The following MSRB3 variants were observed in gnomAD, a reference collection of about 807,000 sequenced individuals.
MSRB3 encodes the protein methionine sulfoxide reductase B3, also known as methionine-R-sulfoxide reductase B3.
Under a neutral mutation model 21.0 loss-of-function variants are expected in MSRB3, and 13 were observed. That is an observed-to-expected ratio of 0.62 (90% CI 0.40 to 0.98). The LOEUF (loss-of-function observed/expected upper bound fraction) is 0.98. MSRB3 is among the 50% of genes least tolerant of loss of function. The probability of loss-of-function intolerance (pLI) is 0.00; values close to 1 mark genes in which losing one functional copy is unlikely to be tolerated. For missense variants in MSRB3, 199 were observed against 230.3 expected (o/e 0.86, Z 0.88); for synonymous variants, 87 against 88.6 (o/e 0.98, Z 0.10).
At chr12:65,291,329 G>C (rs1024468695) in intron 1 of MSRB3, among the ~76,000 whole-genome samples, 1 of 151,824 alleles carries the variant, frequency 6.6e-6, no homozygotes, top group African/African-American at 2.4e-5. Context: ...CAGGTGATCT[G>C]CCCACCTCGG....
At chr12:65,311,404 A>G (rs1873977910) in intron 2 of MSRB3, among the ~76,000 whole-genome samples, 1 of 152,142 alleles carries the variant, frequency 6.6e-6, no homozygotes, top group African/African-American at 2.4e-5. Flanking sequence ...TATGAAAGTC[A>G]GTCTTTGGGT....
intron 2 of MSRB3, among the ~76,000 whole-genome samples, chr12:65,320,877 C>G (rs17824606): frequency 6.6e-6 from 1 of 152,118 alleles, no homozygotes; most frequent in Admixed American, 6.6e-5. Flanking sequence ...AGCACTTTCA[C>G]TGAGGTTACC....
intron 3 of MSRB3, among the ~76,000 whole-genome samples, chr12:65,328,299 C>A (rs1201753300): frequency 6.6e-6 from 1 of 151,334 alleles, no homozygotes; most frequent in Admixed American, 6.6e-5. Flanking sequence ...AACTAGATGG[C>A]TTGATTTTTT....
At position 65,352,888 on chromosome 12, in the gene MSRB3, C is replaced by T. The variant is rs563356787; in HGVS notation, c.264-16110C>T. Among the ~76,000 whole-genome samples, 13 of 151,730 alleles carry T rather than the reference C, an allele frequency of 8.6e-5. No individual in the cohort carries two copies. The East Asian group carries it at 1.9e-3, about 23-fold the overall frequency. ...CAATATCGTGAAAATGGCCATACTG[C>T]CCAAGGTAATTTACAGATTCAATGC... On this transcript the variant is annotated intron_variant, in intron 4 of 6. Transcript: ENST00000308259.
Position 65,368,979 on chromosome 12 carries a change from ACTTT to A in MSRB3, c.264-12_264-9del, listed in dbSNP as rs1565858849. 4.3e-6 allele frequency: 6 copies of A among 1,391,432 alleles called. No homozygotes were observed. Among genetic ancestry groups the A allele is most frequent in the Non-Finnish European group, 5.8e-6 (6 of 1,032,084 alleles). 86.2% of individuals were successfully genotyped at this position (1,391,432 alleles called of 1,614,324 possible). ...TACAAACAGTTTTTATATTGTAAAA[ACTTT>A]CTTTCTCTTTGCAGGTCAGAAACCA... On this transcript the variant is annotated splice_polypyrimidine_tract_variant and intron_variant, in intron 4 of 6. Transcript: ENST00000308259.
intron 5 of MSRB3, among the ~76,000 whole-genome samples, chr12:65,428,893 C>T (rs564556478): frequency 6.6e-6 from 1 of 152,144 alleles, no homozygotes; most frequent in Admixed American, 6.5e-5. Context: ...TCCTTTTTTT[C>T]CCCATAAGAT....
chr12:65,407,870 AGT>A (rs1565878076), intron 5 of MSRB3, among the ~76,000 whole-genome samples: 1 of 151,792 alleles, frequency 6.6e-6, no homozygotes, highest in Non-Finnish European at 1.5e-5. Context: ...TTTTTGCCAT[AGT>A]GCTTTTGACT....
intron 5 of MSRB3, among the ~76,000 whole-genome samples, chr12:65,384,848 C>G (rs1565866693): frequency 6.6e-6 from 1 of 152,076 alleles, no homozygotes; most frequent in African/African-American, 2.4e-5. Context: ...TTTATTCTTA[C>G]AGCTAGGCAG....
rs1216533024 is a variant in MSRB3 at position 65,465,391 on chromosome 12, A to G, written c.*2069A>G. ...AAATACGTATTTTTGTAACTCTTTG[A>G]AAGTTTATGAAGACTGACAGCTTTC... On this transcript the variant is annotated 3_prime_UTR_variant, in exon 7 of 7. Coordinates refer to ENST00000308259, the MANE Select transcript of MSRB3 (RefSeq NM_001031679.3). The G allele has an allele frequency of 6.6e-6, 1 of 152,206 alleles. No homozygotes were observed. Among genetic ancestry groups the G allele is most frequent in the Non-Finnish European group, 1.5e-5 (1 of 68,030 alleles). The allele number at this position is 152,206 out of a possible 1,614,324, so 9.4% of individuals were successfully genotyped here.
intron 1 of MSRB3, among the ~76,000 whole-genome samples, chr12:65,289,585 A>T (rs1001253520): frequency 6.6e-6 from 1 of 152,138 alleles, no homozygotes; most frequent in South Asian, 2.1e-4. Flanking sequence ...GGTGCAAGGG[A>T]TACATGTGCA....
At chr12:65,379,699 A>T (rs941192696) in intron 5 of MSRB3, among the ~76,000 whole-genome samples, 1 of 152,210 alleles carries the variant, frequency 6.6e-6, no homozygotes, top group Non-Finnish European at 1.5e-5. Context: ...TACGTTATCA[A>T]TAGTTATAGC....
intron 1 of MSRB3, among the ~76,000 whole-genome samples, chr12:65,294,293 A>G (rs147653862): frequency 2.0e-3 from 304 of 152,252 alleles, no homozygotes; most frequent in Non-Finnish European, 3.2e-3. Flanking sequence ...CTGGCCTTTC[A>G]TCCTATTTAG....
At chr12:65,349,353 A>G (rs1461740722) in intron 4 of MSRB3, among the ~76,000 whole-genome samples, 3 of 151,822 alleles carry the variant, frequency 2.0e-5, no homozygotes, top group Admixed American at 6.6e-5. Flanking sequence ...ATTGTGAATA[A>G]TGCCACAATA....
At chr12:65,347,563 T>G (rs1876605047) in intron 4 of MSRB3, among the ~76,000 whole-genome samples, 1 of 152,198 alleles carries the variant, frequency 6.6e-6, no homozygotes, top group African/African-American at 2.4e-5. Context: ...TTTTCCTAGC[T>G]GAATACCCTC....
At chr12:65,453,948 T>C in intron 6 of MSRB3, 123 bp downstream of exon 6, 1 of 775,930 alleles carries the variant, frequency 1.3e-6, no homozygotes, top group Non-Finnish European at 2.3e-6. Context: ...GAAGTTTATA[T>C]GAAGTCCGAT....
intron 5 of MSRB3, among the ~76,000 whole-genome samples, chr12:65,391,692 T>C (rs959575754): frequency 1.3e-5 from 2 of 152,196 alleles, no homozygotes; most frequent in South Asian, 2.1e-4. Context: ...CATTTTACTA[T>C]AGAAACAACA....
At chr12:65,349,095 TC>T (rs1876748141) in intron 4 of MSRB3, among the ~76,000 whole-genome samples, 1 of 152,120 alleles carries the variant, frequency 6.6e-6, no homozygotes, top group East Asian at 1.9e-4. Context: ...AGTGTGATAT[TC>T]CCCTTCCTGT....
chr12:65,338,027 G>A (rs1238638390), intron 4 of MSRB3, among the ~76,000 whole-genome samples: 2 of 152,098 alleles, frequency 1.3e-5, no homozygotes, highest in African/African-American at 4.8e-5. Context: ...CAAATCCTAG[G>A]TACTTGACTA....
chr12:65,399,253 C>T (rs1425305857), intron 5 of MSRB3, among the ~76,000 whole-genome samples: 2 of 152,156 alleles, frequency 1.3e-5, no homozygotes, highest in African/African-American at 4.8e-5. Context: ...GAATGTTTTT[C>T]CCTTTGTTTG....
Sources: allele counts gnomAD v4.1 joint callset (sites outside exome capture counted in the v4.1 genomes callset), GRCh38; gene constraint gnomAD v4.1.1; transcripts MANE v1.5; gene names NCBI Gene and HGNC (gene_info 2026-07-23, HGNC 2026-07-21).